Variants in RGS7 observed in about 807,000 individuals in gnomAD.
RGS7 encodes the protein regulator of G protein signaling 7.
Under a neutral mutation model 81.1 loss-of-function variants are expected in RGS7, and 27 were observed. The observed-to-expected ratio is 0.33, with a 90% CI of 0.25 to 0.46. The LOEUF is 0.46. Ranked by LOEUF, RGS7 falls within the 20% of genes least tolerant of loss-of-function variation. The probability of loss-of-function intolerance (pLI) is 1.00; values close to 1 mark genes in which losing one functional copy is unlikely to be tolerated. For synonymous variants in RGS7, 208 were observed against 207.7 expected, an observed-to-expected ratio of 1.00 and a Z score of -0.01; for missense variants, 396 against 607.4, an observed-to-expected ratio of 0.65 and a Z score of 3.66.
At chr1:241,126,070 G>C (rs2066636080) in intron 2 of RGS7, among the ~76,000 whole-genome samples, 1 of 152,134 alleles carries the variant, frequency 6.6e-6, no homozygotes, top group African/African-American at 2.4e-5. Flanking sequence ...GCCTTACAAA[G>C]AGTTTTCAAA....
intron 3 of RGS7, among the ~76,000 whole-genome samples, chr1:241,089,445 G>A (rs1335621322): frequency 1.3e-5 from 2 of 151,870 alleles, no homozygotes; most frequent in African/African-American, 2.4e-5. Flanking sequence ...CCTAAAAGCA[G>A]GACATAGGTA....
chr1:241,237,778 G>A (rs975587318), intron 2 of RGS7, among the ~76,000 whole-genome samples: 9 of 152,108 alleles, frequency 5.9e-5, no homozygotes, highest in African/African-American at 1.9e-4. Flanking sequence ...GGTTAGGACA[G>A]GATAAAGCCT....
intron 3 of RGS7, among the ~76,000 whole-genome samples, chr1:241,019,757 T>C (rs528820267): frequency 2.0e-4 from 30 of 152,362 alleles, no homozygotes; most frequent in African/African-American, 6.7e-4. Flanking sequence ...CAGTCTATTA[T>C]TGATGGACAT....
intron 2 of RGS7, among the ~76,000 whole-genome samples, chr1:241,246,702 G>A (rs1413937687): frequency 6.6e-6 from 1 of 152,000 alleles, no homozygotes; most frequent in East Asian, 1.9e-4. Context: ...GGGTATGTTG[G>A]CTTTAATAGT....
At position 241,068,066 on chromosome 1, in the gene RGS7, G is replaced by A. The variant is rs928557416; in HGVS notation, c.175+30600C>T. The stretch of plus-strand genomic sequence containing the variant: ...GCAGCAAGACAGAATGGAAGACAGC[G>A]ACTGAAACACATGAGTTTTCCTGCT... On this transcript the variant is annotated intron_variant, in intron 3 of 18. Coordinates refer to ENST00000440928, the MANE Select transcript of RGS7 (RefSeq NM_001364886.1). 5.3e-5 allele frequency among the ~76,000 whole-genome samples: 8 copies of A among 151,086 alleles called. No individual in the cohort carries two copies. The South Asian group carries it at 8.4e-4, about 16-fold the overall frequency.
intron 2 of RGS7, among the ~76,000 whole-genome samples, chr1:241,308,219 C>T (rs548740786): frequency 6.6e-6 from 1 of 152,190 alleles, no homozygotes; most frequent in East Asian, 1.9e-4. Context: ...GCACAGTGAC[C>T]AGAATGGAGA....
intron 3 of RGS7, among the ~76,000 whole-genome samples, chr1:241,054,416 T>C (rs140763939): frequency 6.6e-6 from 1 of 152,290 alleles, no homozygotes; most frequent in Non-Finnish European, 1.5e-5. Flanking sequence ...GGTTTGATTC[T>C]CATTTCTCTT....
chr1:241,095,123 G>A (rs1040684322), intron 3 of RGS7, among the ~76,000 whole-genome samples: 2 of 152,032 alleles, frequency 1.3e-5, no homozygotes, highest in African/African-American at 4.8e-5. Flanking sequence ...GAAAAAGATT[G>A]GCACAAGCAA....
At chr1:240,969,512 T>C (rs373802605) in intron 4 of RGS7, among the ~76,000 whole-genome samples, 19 of 152,348 alleles carry the variant, frequency 1.2e-4, no homozygotes, top group Admixed American at 3.9e-4. Context: ...CCTGGCCTCA[T>C]TATGTTTGTT....
intron 2 of RGS7, among the ~76,000 whole-genome samples, chr1:241,342,066 G>T (rs974974327): frequency 5.3e-5 from 8 of 151,558 alleles, no homozygotes; most frequent in Non-Finnish European, 1.0e-4. Context: ...TAAAGATGGG[G>T]TTTCACCATG....
At chr1:240,925,499 T>C (rs1489612094) in intron 6 of RGS7, among the ~76,000 whole-genome samples, 2 of 152,226 alleles carry the variant, frequency 1.3e-5, no homozygotes, top group Non-Finnish European at 2.9e-5. Context: ...GGTGTATATA[T>C]ATTACATTTT....
intron 2 of RGS7, among the ~76,000 whole-genome samples, chr1:241,349,812 C>G (rs2083122143): frequency 6.6e-6 from 1 of 152,178 alleles, no homozygotes; most frequent in African/African-American, 2.4e-5. Context: ...ATCTTGTTTT[C>G]AAAGAGACTT....
intron 6 of RGS7, among the ~76,000 whole-genome samples, chr1:240,926,016 G>T (rs114661617): frequency 6.6e-6 from 1 of 152,072 alleles, no homozygotes; most frequent in Non-Finnish European, 1.5e-5. Context: ...ATAGATTTTT[G>T]ATATTAGACC....
intron 14 of RGS7, among the ~76,000 whole-genome samples, chr1:240,807,554 A>G (rs1237501639): frequency 6.6e-6 from 1 of 152,234 alleles, no homozygotes. Flanking sequence ...AATATCAACT[A>G]CTACTCAGTC....
intron 6 of RGS7, among the ~76,000 whole-genome samples, chr1:240,904,076 T>C (rs1003506151): frequency 6.6e-6 from 1 of 152,232 alleles, no homozygotes; most frequent in Non-Finnish European, 1.5e-5. Context: ...TGGCATCTGT[T>C]ACTACTCTGC....
chr1:240,827,746 C>A lies in RGS7; in HGVS notation c.610-574G>T, dbSNP rs190164696. Among the ~76,000 whole-genome samples, 1,048 of 151,810 alleles carry A rather than the reference C, an allele frequency of 6.9e-3. 12 individuals carry two copies. Among genetic ancestry groups the A allele is most frequent in the African/African-American group, 0.024 (992 of 41,366 alleles). On this transcript the variant is annotated intron_variant, in intron 9 of 18. Coordinates refer to ENST00000440928, the MANE Select transcript of RGS7 (RefSeq NM_001364886.1). ...GGGCGTGGTGGCGGGTGCCTGTAAT[C>A]CCAGATACTTAGGAGGCTGAGGCAG...
At chr1:241,019,740 C>G (rs986207012) in intron 3 of RGS7, among the ~76,000 whole-genome samples, 2 of 152,146 alleles carry the variant, frequency 1.3e-5, no homozygotes, top group African/African-American at 4.8e-5. Context: ...GCCACATTTT[C>G]TTTATCCAGT....
At chr1:241,086,547 A>G (rs1399537188) in intron 3 of RGS7, among the ~76,000 whole-genome samples, 1 of 151,936 alleles carries the variant, frequency 6.6e-6, no homozygotes, top group Non-Finnish European at 1.5e-5. Flanking sequence ...TCTCTGCTCT[A>G]GACTACAGCC....
At chr1:241,053,054 A>G (rs2061330345) in intron 3 of RGS7, among the ~76,000 whole-genome samples, 1 of 152,140 alleles carries the variant, frequency 6.6e-6, no homozygotes, top group Admixed American at 6.6e-5. Context: ...AAGCAATCAC[A>G]CTGAAAATAT....
Sources: allele counts gnomAD v4.1 joint callset (sites outside exome capture counted in the v4.1 genomes callset), GRCh38; gene constraint gnomAD v4.1.1; transcripts MANE v1.5; gene names NCBI Gene and HGNC (gene_info 2026-07-23, HGNC 2026-07-21).